The following HTT-AS variants were observed in gnomAD, a reference collection of about 807,000 sequenced individuals.
HTT-AS encodes HTT antisense RNA.
chr4:3,066,963 C>T (rs564742631), intron 1 of HTT-AS, among the ~76,000 whole-genome samples: 1 of 152,286 alleles, frequency 6.6e-6, no homozygotes, highest in African/African-American at 2.4e-5. Context: ...GACACTTAAA[C>T]AACTATGTTT....
chr4:3,068,305 C>CAAA (rs759119862), intron 1 of HTT-AS, among the ~76,000 whole-genome samples: 3 of 13,050 alleles, frequency 2.3e-4, no homozygotes, highest in African/African-American at 2.3e-4. Flanking sequence ...GACTCTGTCT[C>CAAA]AAAAAAAAAA....
Position 3,065,385 on chromosome 4 carries a change from C to T in HTT-AS, n.114-1685G>A, listed in dbSNP as rs183818388. On this transcript the variant is annotated intron_variant and non_coding_transcript_variant, in intron 1 of 2. Transcript: ENST00000664062. ...CCTCCCGAGTAGCTGGGACTACAGG[C>T]GCGCACCACCATGCCCGGCTAATTT... is the stretch of plus-strand genomic sequence containing the variant. Among the ~76,000 whole-genome samples the T allele has an allele frequency of 3.3e-3, 502 of 151,904 alleles. 3 individuals are homozygous for T. Among genetic ancestry groups the T allele is most frequent in the Non-Finnish European group, 3.9e-3 (266 of 67,968 alleles).
intron 2 of HTT-AS, among the ~76,000 whole-genome samples, chr4:3,059,924 G>T (rs7662820): frequency 0.56 from 76,587 of 137,732 alleles, 21,662 homozygotes; most frequent in South Asian, 0.73. Context: ...TGTGTTTTTT[G>T]TTTTTTTTTT....
At chr4:3,062,255 CCT>C (rs1221925872) in intron 2 of HTT-AS, among the ~76,000 whole-genome samples, 1 of 152,046 alleles carries the variant, frequency 6.6e-6, no homozygotes, top group Admixed American at 6.6e-5. Flanking sequence ...GTCTAAAACC[CCT>C]GAGCTCAAAT....
intron 1 of HTT-AS, among the ~76,000 whole-genome samples, chr4:3,071,401 G>C (rs1487036942): frequency 1.3e-5 from 2 of 152,102 alleles, no homozygotes. Flanking sequence ...AAAAAGGTGT[G>C]TCTTTCCCTT....
chr4:3,070,714 CA>C (rs1712156995), intron 1 of HTT-AS, among the ~76,000 whole-genome samples: 1 of 152,168 alleles, frequency 6.6e-6, no homozygotes, highest in South Asian at 2.1e-4. Flanking sequence ...TCATCTGGAA[CA>C]GGATTCTAAT....
intron 1 of HTT-AS, among the ~76,000 whole-genome samples, chr4:3,069,742 A>G (rs1300205530): frequency 6.6e-6 from 1 of 152,036 alleles, no homozygotes; most frequent in Non-Finnish European, 1.5e-5. Flanking sequence ...ATGAGACGGG[A>G]AAGGTTTCTG....
intron 2 of HTT-AS, among the ~76,000 whole-genome samples, chr4:3,054,395 A>G (rs1192114170): frequency 6.6e-6 from 1 of 152,148 alleles, no homozygotes; most frequent in Non-Finnish European, 1.5e-5. Context: ...AAAAGATGCT[A>G]AGAGTTACCA....
chr4:3,054,718 C>T (rs977434228), intron 2 of HTT-AS, among the ~76,000 whole-genome samples: 1 of 150,946 alleles, frequency 6.6e-6, no homozygotes, highest in Non-Finnish European at 1.5e-5. Flanking sequence ...TCTTTTCTTT[C>T]TATTTTTTTT....
chr4:3,051,542 A>G (rs1711703237), intron 2 of HTT-AS, among the ~76,000 whole-genome samples: 1 of 151,846 alleles, frequency 6.6e-6, no homozygotes, highest in Non-Finnish European at 1.5e-5. Context: ...CACTAGGGCT[A>G]CTCAGGGAAA....
chr4:3,053,037 C>A (rs1254960088), intron 2 of HTT-AS, among the ~76,000 whole-genome samples: 1 of 152,008 alleles, frequency 6.6e-6, no homozygotes, highest in Non-Finnish European at 1.5e-5. Context: ...ATCCGTTTTG[C>A]CTTCCAGCTG....
chr4:3,052,433 C>T (rs553150061), intron 2 of HTT-AS, among the ~76,000 whole-genome samples: 1 of 152,136 alleles, frequency 6.6e-6, no homozygotes, highest in Admixed American at 6.5e-5. Context: ...CAGGAGGTGC[C>T]AGAGACCCCG....
chr4:3,063,274 G>C (rs1180867528), exon 2 of HTT-AS, among the ~76,000 whole-genome samples: 1 of 152,222 alleles, frequency 6.6e-6, no homozygotes, highest in Non-Finnish European at 1.5e-5. Context: ...GTTGGGAGCA[G>C]CAAGACAGTG....
downstream of HTT-AS, among the ~76,000 whole-genome samples, chr4:3,047,295 A>T (rs1711611438): frequency 6.6e-6 from 1 of 152,226 alleles, no homozygotes; most frequent in African/African-American, 2.4e-5. Flanking sequence ...TGGGTGACAG[A>T]GCGAGACTCT....
intron 2 of HTT-AS, among the ~76,000 whole-genome samples, chr4:3,050,088 C>T (rs1214241233): frequency 6.6e-6 from 1 of 152,024 alleles, no homozygotes; most frequent in African/African-American, 2.4e-5. Context: ...CATGATGAGT[C>T]ACGAAATGCA....
chr4:3,072,369 CAG>C (rs989241012), intron 1 of HTT-AS, among the ~76,000 whole-genome samples: 1 of 152,220 alleles, frequency 6.6e-6, no homozygotes, highest in Non-Finnish European at 1.5e-5. Context: ...AAGAAGGCAA[CAG>C]AGAGGGCCAG....
intron 2 of HTT-AS, among the ~76,000 whole-genome samples, chr4:3,058,807 C>T (rs1326662681): frequency 1.3e-5 from 2 of 151,632 alleles, no homozygotes; most frequent in African/African-American, 2.4e-5. Flanking sequence ...GCAATCTCCA[C>T]CTCCGAGGTT....
At chr4:3,056,341 G>A (rs942183219) in intron 2 of HTT-AS, among the ~76,000 whole-genome samples, 11 of 152,208 alleles carry the variant, frequency 7.2e-5, no homozygotes, top group African/African-American at 2.2e-4. Flanking sequence ...GGGAAGTGAC[G>A]TACAGAAATT....
In HTT-AS at chr4:3,064,421, C is replaced by T. The variant is rs550686897; in HGVS notation, n.114-721G>A. Among the ~76,000 whole-genome samples, 17 of 152,146 alleles carry T rather than the reference C, an allele frequency of 1.1e-4. No individual in the cohort carries two copies. The East Asian group carries it at 3.3e-3, about 29-fold the overall frequency. On this transcript the variant is annotated intron_variant and non_coding_transcript_variant, in intron 1 of 2. Coordinates refer to ENST00000664062, the Ensembl canonical transcript of HTT-AS. ...AAGACATTGTTCTTAAAAGAATCAACTAACTAACCAAATAAATAAAAATCT... is the reference window on the plus strand; with the variant it reads ...AAGACATTGTTCTTAAAAGAATCAATTAACTAACCAAATAAATAAAAATCT...
Sources: allele counts gnomAD v4.1 joint callset (sites outside exome capture counted in the v4.1 genomes callset), GRCh38; gene constraint gnomAD v4.1.1; transcripts MANE v1.5; gene names NCBI Gene and HGNC (gene_info 2026-07-23, HGNC 2026-07-21).